Variants in MGA observed in about 807,000 individuals in gnomAD.
MGA encodes the protein MAX dimerization protein MGA.
Under a neutral mutation model 261.1 loss-of-function variants are expected in MGA, and 40 were observed. The observed-to-expected ratio is 0.15, with a 90% CI of 0.12 to 0.20. The LOEUF (loss-of-function observed/expected upper bound fraction) is 0.20, where lower values mean the gene tolerates loss of function less well. Ranked by LOEUF, MGA falls within the 10% of genes least tolerant of loss-of-function variation. The pLI, the probability that MGA is intolerant of heterozygous loss-of-function variation, is 1.00. For synonymous variants in MGA, 1,302 were observed against 1,290.6 expected (o/e 1.01, Z -0.19); for missense variants, 3,397 against 3,630.5 (o/e 0.94, Z 1.65).
chr15:41,654,239 C>T (rs377555483), intron 1 of MGA, among the ~76,000 whole-genome samples: 3 of 152,086 alleles, frequency 2.0e-5, no homozygotes, highest in African/African-American at 7.2e-5. Flanking sequence ...TTCTAAATAC[C>T]TGTCTGCAAA....
intron 9 of MGA, among the ~76,000 whole-genome samples, chr15:41,726,693 C>G (rs376476002): frequency 9.9e-5 from 15 of 150,952 alleles, no homozygotes; most frequent in African/African-American, 3.7e-4. Context: ...TGCGCCATTG[C>G]ACTCCACCCT....
At chr15:41,627,366 T>C (rs1344380923) in intron 1 of MGA, among the ~76,000 whole-genome samples, 2 of 152,230 alleles carry the variant, frequency 1.3e-5, no homozygotes, top group African/African-American at 4.8e-5. Flanking sequence ...TTGGCTATGA[T>C]AGTTTCTCAC....
intron 20 of MGA, 104 bp from the exon 21 acceptor site, chr15:41,761,635 G>C: frequency 1.7e-6 from 1 of 594,714 alleles, no homozygotes; most frequent in South Asian, 2.9e-5. Flanking sequence ...ATTCTCTTAA[G>C]ATGTCAGATT....
rs527752015 is a variant in MGA at position 41,741,934 on chromosome 15, A to T, written c.4586-612A>T. On this transcript the variant is annotated intron_variant, in intron 14 of 23. Coordinates refer to ENST00000219905, the MANE Select transcript of MGA (RefSeq NM_001164273.2). ...ACCGTGTTGGCCAGGCTGGTCTTGA[A>T]CTCCTGACCTCGTGATCTGCCCACC... Among the ~76,000 whole-genome samples, 3 of 149,674 alleles carry T rather than the reference A, an allele frequency of 2.0e-5. No homozygotes were observed. In the South Asian group the frequency reaches 6.5e-4, roughly 32 times the overall value.
chr15:41,710,544 G>A (rs983769404), intron 7 of MGA, 147 bp from the exon 8 acceptor site: 1 of 791,836 alleles, frequency 1.3e-6, no homozygotes, highest in Non-Finnish European at 2.0e-6. Flanking sequence ...TGGGATTACA[G>A]GTGGGAGTCA....
chr15:41,708,408 C>T (rs527440157), intron 7 of MGA, among the ~76,000 whole-genome samples, 200 bp downstream of exon 7: 41 of 152,204 alleles, frequency 2.7e-4, no homozygotes, highest in Admixed American at 2.6e-3. Flanking sequence ...ACCTCCACCT[C>T]CCAGGTTCAA....
intron 19 of MGA, among the ~76,000 whole-genome samples, chr15:41,758,113 G>A (rs190892301): frequency 2.0e-5 from 3 of 152,194 alleles, no homozygotes; most frequent in African/African-American, 7.2e-5. Flanking sequence ...TTTGAAAACT[G>A]TTCTTGTAAT....
intron 11 of MGA, among the ~76,000 whole-genome samples, chr15:41,731,913 G>C (rs1054434117): frequency 5.9e-5 from 9 of 152,154 alleles, no homozygotes; most frequent in Non-Finnish European, 1.0e-4. Context: ...ATTTGATCCT[G>C]CTACTGTTTA....
intron 1 of MGA, among the ~76,000 whole-genome samples, chr15:41,663,049 T>A (rs1176339239): frequency 6.6e-6 from 1 of 152,224 alleles, no homozygotes; most frequent in African/African-American, 2.4e-5. Flanking sequence ...AAAACTAGTG[T>A]ATTTTGTGAG....
chr15:41,718,169 C>A (rs78251912), intron 9 of MGA, among the ~76,000 whole-genome samples: 7,012 of 151,140 alleles, frequency 0.046, 348 homozygotes, highest in African/African-American at 0.12. Context: ...TAAATGAGAT[C>A]ATTTATGATA....
At chr15:41,627,645 A>T (rs1280188048) in intron 1 of MGA, among the ~76,000 whole-genome samples, 1 of 152,244 alleles carries the variant, frequency 6.6e-6, no homozygotes, top group African/African-American at 2.4e-5. Flanking sequence ...ACACATGTCT[A>T]CCAGTAGCAT....
chr15:41,665,705 C>T (rs1158081162), intron 1 of MGA, among the ~76,000 whole-genome samples: 2 of 152,030 alleles, frequency 1.3e-5, no homozygotes, highest in African/African-American at 4.8e-5. Flanking sequence ...AGATATAATT[C>T]ACATAACATA....
intron 2 of MGA, among the ~76,000 whole-genome samples, chr15:41,691,125 A>G (rs2059262592): frequency 6.7e-6 from 1 of 148,368 alleles, no homozygotes; most frequent in South Asian, 2.1e-4. Context: ...AGATCACTTT[A>G]GGGATTATTG....
intron 15 of MGA, among the ~76,000 whole-genome samples, chr15:41,746,881 T>C (rs1316971036): frequency 6.6e-6 from 1 of 152,024 alleles, no homozygotes; most frequent in Admixed American, 6.6e-5. Context: ...TTATTAATGT[T>C]AAATAAGCTC....
At position 41,750,379 on chromosome 15, in the gene MGA, A is replaced by T; in HGVS notation, c.6772A>T (p.Arg2258Trp). The T allele has an allele frequency of 6.2e-7, 1 of 1,613,972 alleles. No homozygotes were observed. Among genetic ancestry groups the T allele is most frequent in the Non-Finnish European group, 8.5e-7 (1 of 1,179,866 alleles). ...TCCTTCAGCCTTCTCCATTGTTCCT[A>T]GGAGAGCTGCAAAAAGCAGCAGAGG... The change falls in exon 17 of 24, where the codon AGG becomes TGG. Residue 2258 changes from arginine to tryptophan, a missense_variant. Coordinates refer to ENST00000219905, the MANE Select transcript of MGA (RefSeq NM_001164273.2).
intron 2 of MGA, among the ~76,000 whole-genome samples, chr15:41,672,827 C>T (rs984610797): frequency 4.6e-5 from 7 of 151,822 alleles, no homozygotes; most frequent in African/African-American, 1.7e-4. Context: ...TTGCCAACCT[C>T]TGATTTAAGG....
intron 1 of MGA, among the ~76,000 whole-genome samples, chr15:41,664,590 C>G (rs1282364538): frequency 6.6e-6 from 1 of 151,998 alleles, no homozygotes; most frequent in Non-Finnish European, 1.5e-5. Flanking sequence ...TGAAATGCAC[C>G]TAAGGATGTT....
intron 8 of MGA, among the ~76,000 whole-genome samples, chr15:41,711,658 A>G (rs1918312): frequency 0.15 from 23,184 of 152,172 alleles, 2,645 homozygotes; most frequent in East Asian, 0.68. Flanking sequence ...GGGCAAGTAC[A>G]TTGGCTGATC....
intron 1 of MGA, among the ~76,000 whole-genome samples, chr15:41,665,592 T>A (rs1319064297): frequency 2.6e-5 from 4 of 152,154 alleles, no homozygotes; most frequent in African/African-American, 9.7e-5. Context: ...GGTCTCAAAC[T>A]CCTGGGCTTA....
Sources: gnomAD v4.1 joint callset for allele counts (sites outside exome capture counted in the v4.1 genomes callset) on GRCh38, gnomAD v4.1.1 for gene constraint, MANE v1.5 for transcripts, NCBI Gene and HGNC (gene_info 2026-07-23, HGNC 2026-07-21) for gene names.